Variants in GPR158 observed in about 807,000 individuals in gnomAD.
The protein encoded by GPR158 is metabotropic glycine receptor.
Under a neutral mutation model 78.2 loss-of-function variants are expected in GPR158, and 30 were observed. The observed-to-expected ratio is 0.38, with a 90% CI of 0.29 to 0.52. The LOEUF is 0.52. Among genes scored for constraint, GPR158 ranks in the 20% least tolerant of loss-of-function variants. GPR158 has a pLI of 0.83. For missense variants in GPR158, 1,463 were observed against 1,523.5 expected, an observed-to-expected ratio of 0.96 and a Z score of 0.66; for synonymous variants, 581 against 591.1, an observed-to-expected ratio of 0.98 and a Z score of 0.25.
rs535172730 is a variant in GPR158, at chr10:25,238,909, A to G, written c.1008+17752A>G. 2.6e-5 allele frequency among the ~76,000 whole-genome samples: 4 copies of G among 152,320 alleles called. No individual in the cohort carries two copies. The East Asian group carries it at 7.7e-4, about 29-fold the overall frequency. On this transcript the variant is annotated intron_variant, in intron 2 of 10. Transcript: ENST00000376351. The stretch of plus-strand genomic sequence containing the variant: ...ACAGGTATAGCCATGAATACTGAGG[A>G]CATGTGATCCTTCCTCAACTTTGTA...
At chr10:25,285,758 G>T (rs1854342272) in intron 2 of GPR158, among the ~76,000 whole-genome samples, 1 of 152,098 alleles carries the variant, frequency 6.6e-6, no homozygotes, top group Non-Finnish European at 1.5e-5. Flanking sequence ...TGCTTTATGA[G>T]GTTTCTAGGT....
chr10:25,550,944 C>A, intron 5 of GPR158, 32 bp from the exon 6 acceptor site: 2 of 1,110,508 alleles, frequency 1.8e-6, no homozygotes, highest in Non-Finnish European at 2.8e-6. Context: ...ATCAGTTGAT[C>A]CTGAAGGTCT....
intron 2 of GPR158, among the ~76,000 whole-genome samples, chr10:25,344,049 A>G (rs1019707225): frequency 6.6e-6 from 1 of 151,916 alleles, no homozygotes; most frequent in Non-Finnish European, 1.5e-5. Context: ...AATTTCCATT[A>G]TTGCTCTGTG....
At chr10:25,298,450 A>G (rs1854546719) in intron 2 of GPR158, among the ~76,000 whole-genome samples, 1 of 152,222 alleles carries the variant, frequency 6.6e-6, no homozygotes, top group South Asian at 2.1e-4. Context: ...TTGCCTTATT[A>G]AAAGAGAACT....
intron 5 of GPR158, among the ~76,000 whole-genome samples, chr10:25,521,440 A>G (rs192473559): frequency 8.5e-4 from 129 of 152,180 alleles, no homozygotes; most frequent in African/African-American, 2.6e-3. Context: ...CCTAACTTGC[A>G]TCATATTATT....
At chr10:25,301,001 C>G (rs1460520967) in intron 2 of GPR158, among the ~76,000 whole-genome samples, 1 of 152,106 alleles carries the variant, frequency 6.6e-6, no homozygotes, top group Non-Finnish European at 1.5e-5. Context: ...AATGTGGTGT[C>G]TTATTGCTCC....
chr10:25,228,240 A>G (rs1367721621), intron 2 of GPR158, among the ~76,000 whole-genome samples: 3 of 152,184 alleles, frequency 2.0e-5, no homozygotes, highest in African/African-American at 7.2e-5. Context: ...GTGCCCCTGC[A>G]CTTCAGCCTG....
At chr10:25,408,835 C>A (rs138566906) in intron 3 of GPR158, among the ~76,000 whole-genome samples, 1 of 152,084 alleles carries the variant, frequency 6.6e-6, no homozygotes, top group East Asian at 1.9e-4. Flanking sequence ...GTTTAAGTGC[C>A]GTTGAGGTGT....
At chr10:25,432,452 G>A (rs1424694845) in intron 4 of GPR158, among the ~76,000 whole-genome samples, 1 of 152,026 alleles carries the variant, frequency 6.6e-6, no homozygotes, top group Non-Finnish European at 1.5e-5. Flanking sequence ...ACATATATGT[G>A]CACAAAGATT....
chr10:25,351,930 GTGT>G (rs1296426415), intron 2 of GPR158, among the ~76,000 whole-genome samples: 2 of 151,798 alleles, frequency 1.3e-5, no homozygotes, highest in Admixed American at 1.3e-4. Flanking sequence ...GCCCCAGTGT[GTGT>G]TGTTCCCTCC....
At chr10:25,379,282 C>T (rs1056950665) in intron 2 of GPR158, among the ~76,000 whole-genome samples, 1 of 152,078 alleles carries the variant, frequency 6.6e-6, no homozygotes, top group Admixed American at 6.6e-5. Flanking sequence ...TGTCAGGCAT[C>T]GTGTTGTTAC....
At chr10:25,559,158 T>C (rs552089631) in intron 6 of GPR158, among the ~76,000 whole-genome samples, 2 of 152,366 alleles carry the variant, frequency 1.3e-5, no homozygotes, top group East Asian at 1.9e-4. Flanking sequence ...AGAGTTGTTA[T>C]GTCCTTTTCA....
chr10:25,297,817 A>G (rs569713641), intron 2 of GPR158, among the ~76,000 whole-genome samples: 1 of 152,316 alleles, frequency 6.6e-6, no homozygotes, highest in African/African-American at 2.4e-5. Flanking sequence ...ATCACTTTAG[A>G]TGAGCAAGGA....
At chr10:25,353,413 A>T (rs146154705) in intron 2 of GPR158, among the ~76,000 whole-genome samples, 4 of 152,006 alleles carry the variant, frequency 2.6e-5, no homozygotes, top group Non-Finnish European at 5.9e-5. Flanking sequence ...ATTTTTTTAC[A>T]TAATAAAAAT....
rs552048868 is a variant in GPR158, at chr10:25,446,524, T to C, written c.1336-20127T>C. Among the ~76,000 whole-genome samples, 19 of 152,352 alleles carry C rather than the reference T, an allele frequency of 1.2e-4. No individual in the cohort carries two copies. In the South Asian group the frequency reaches 3.9e-3, roughly 32 times the overall value. On this transcript the variant is annotated intron_variant, in intron 4 of 10. Coordinates refer to ENST00000376351, the MANE Select transcript of GPR158 (RefSeq NM_020752.3). The stretch of plus-strand genomic sequence containing the variant: ...AATGATTATCTTTATTTTATTCTCT[T>C]GAGAGTATACTTTGTCCATGGCTTT...
intron 5 of GPR158, among the ~76,000 whole-genome samples, chr10:25,549,389 C>T (rs1007898619): frequency 2.0e-5 from 3 of 151,986 alleles, no homozygotes; most frequent in Non-Finnish European, 4.4e-5. Flanking sequence ...TCTGAAATAC[C>T]CGAGCTCAAA....
rs1836927265 is a variant in GPR158 at position 25,566,209 on chromosome 10, A to G, written c.1515-6440A>G. On this transcript the variant is annotated intron_variant, in intron 6 of 10. Coordinates refer to ENST00000376351, the MANE Select transcript of GPR158 (RefSeq NM_020752.3). ...AAAATGGGCAGTTAACATTCCTTTTAGTTTTGGGGGAAGGTAAGGGAGAGA... is the reference window on the plus strand; with the variant it reads ...AAAATGGGCAGTTAACATTCCTTTTGGTTTTGGGGGAAGGTAAGGGAGAGA... 3.3e-5 allele frequency among the ~76,000 whole-genome samples: 5 copies of G among 152,146 alleles called. No homozygotes were observed. The South Asian group carries it at 6.2e-4, about 19-fold the overall frequency.
chr10:25,175,551 C>T lies in GPR158; in HGVS notation c.131C>T (p.Pro44Leu). 6.2e-7 allele frequency: 1 copy of T among 1,611,494 alleles called. No homozygotes were observed. The highest frequency in any genetic ancestry group is 8.5e-7 in the Non-Finnish European group (1 of 1,179,856). Reference sequence around the variant, plus strand: ...CGAGAGAGGACCCCGAAGGGGAAGCCGCACGCCCAGCAGCCGGGTCGAGCC... The same window carrying T: ...CGAGAGAGGACCCCGAAGGGGAAGCTGCACGCCCAGCAGCCGGGTCGAGCC... ...SPRERTPKGK[P>L]HAQQPGRASA... The change falls in exon 1 of 11, where the codon CCG (proline) becomes CTG (leucine). Residue 44 changes from proline to leucine, a missense_variant. Pro to Leu is a moderately conservative substitution (Grantham distance 98, BLOSUM62 -3). Coordinates refer to ENST00000376351, the MANE Select transcript of GPR158 (RefSeq NM_020752.3). This position sits in a 1 kb window ranked among gnomAD's most constrained non-coding sequence, Gnocchi z 6.4.
chr10:25,568,494 G>T (rs1836962387), intron 6 of GPR158, among the ~76,000 whole-genome samples: 2 of 152,142 alleles, frequency 1.3e-5, no homozygotes, highest in Non-Finnish European at 2.9e-5. Context: ...GTGACATCAT[G>T]GAAGCTGAAG....
Sources: gnomAD v4.1 joint callset for allele counts (sites outside exome capture counted in the v4.1 genomes callset) on GRCh38, gnomAD v4.1.1 for gene constraint, Gnocchi (gnomAD v3.1) non-coding constraint, MANE v1.5 for transcripts, NCBI Gene and HGNC (gene_info 2026-07-23, HGNC 2026-07-21) for gene names.